MROH6: variants seen among roughly 807,000 people sequenced by gnomAD.
MROH6 encodes maestro heat like repeat family member 6.
In MROH6, 62 loss-of-function variants were observed where a neutral mutation model predicts 67.7. That is an observed-to-expected ratio of 0.92 (90% CI 0.75 to 1.13). MROH6 has a LOEUF of 1.13. Among genes scored for constraint, MROH6 ranks in the 50% most tolerant of loss-of-function variants. The pLI, the probability that MROH6 is intolerant of heterozygous loss-of-function variation, is 0.00. For missense variants in MROH6, 1,175 were observed against 1,029.1 expected (o/e 1.14, Z -1.94); for synonymous variants, 566 against 470.8 (o/e 1.20, Z -2.62).
rs1823898924 is a variant in MROH6 at position 143,569,846 on chromosome 8, C to G, written c.1159-6G>C. ...GTGGGCCGGCTCTGCAACAGCTAGG[C>G]GAGGCACATGGGGTCAGCACGCCCG... On this transcript the variant is annotated splice_polypyrimidine_tract_variant and splice_region_variant and intron_variant, in intron 7 of 13. Transcript: ENST00000398882. 1 of 1,610,376 alleles carries G rather than the reference C, an allele frequency of 6.2e-7. No homozygotes were observed. Among genetic ancestry groups the G allele is most frequent in the African/African-American group, 1.3e-5 (1 of 74,874 alleles).
At chr8:143,569,377 G>C in intron 9 of MROH6, 64 bp downstream of exon 9, 1 of 1,297,976 alleles carries the variant, frequency 7.7e-7, no homozygotes. Flanking sequence ...GGGAGGGAGA[G>C]ACTGGAAGGG....
Position 143,570,070 on chromosome 8 carries a change from G to T in MROH6, c.1044-5C>A. The T allele has an allele frequency of 6.2e-7, 1 of 1,608,298 alleles. No individual in the cohort carries two copies. ...TCGGCATGTGCCACCATAGCACTGG[G>T]GTGGGTGGAAATGGGAGCTCTCGCT... On this transcript the variant is annotated splice_region_variant and splice_polypyrimidine_tract_variant and intron_variant, in intron 6 of 13. Transcript: ENST00000398882.
chr8:143,569,950 C>T lies in MROH6; in HGVS notation c.1158+1G>A. 1.2e-6 allele frequency: 2 copies of T among 1,611,596 alleles called. No individual in the cohort carries two copies. Among genetic ancestry groups the T allele is most frequent in the South Asian group, 1.1e-5 (1 of 91,076 alleles). On this transcript the variant is annotated splice_donor_variant, in intron 7 of 13. Transcript: ENST00000398882. LOFTEE classifies it high-confidence loss of function. ...ACCACCCATCCGGGAAGCAGGCTCACCCCTGTGAAGAAGGCCATAGCCGTG... is the reference window on the plus strand; with the variant it reads ...ACCACCCATCCGGGAAGCAGGCTCATCCCTGTGAAGAAGGCCATAGCCGTG...
At chr8:143,567,985 C>T in intron 11 of MROH6, 97 bp from the exon 12 acceptor site, 1 of 1,438,946 alleles carries the variant, frequency 6.9e-7, no homozygotes. Flanking sequence ...CCAGGGGAGC[C>T]CCCAGGGCAG....
chr8:143,568,448 T>G, intron 10 of MROH6, 104 bp downstream of exon 10: 1 of 1,446,992 alleles, frequency 6.9e-7, no homozygotes, highest in Non-Finnish European at 9.1e-7. Flanking sequence ...ACTGAGGTCC[T>G]TGGGATGGGT....
rs758809081 is a variant in MROH6 at position 143,570,080 on chromosome 8, A to G, written c.1044-15T>C. 7.1e-5 allele frequency: 114 copies of G among 1,605,712 alleles called. No individual in the cohort carries two copies. The highest frequency in any genetic ancestry group is 9.5e-5 in the Non-Finnish European group (112 of 1,177,272). ...CCACCATAGCACTGGGGTGGGTGGA[A>G]ATGGGAGCTCTCGCTCCGTTTGGCG... On this transcript the variant is annotated splice_polypyrimidine_tract_variant and intron_variant, in intron 6 of 13. Coordinates refer to ENST00000398882, the MANE Select transcript of MROH6 (RefSeq NM_001100878.2).
In MROH6 at chr8:143,570,270, T is replaced by G. The variant is rs1482009448; in HGVS notation, c.1016A>C (p.His339Pro). The G allele has an allele frequency of 1.4e-5, 22 of 1,598,260 alleles. No homozygotes were observed. Among genetic ancestry groups the G allele is most frequent in the Non-Finnish European group, 1.9e-5 (22 of 1,174,752 alleles). The part of the protein sequence containing the change: ...GWRRLVGAHT[H>P]LEGVLLLASA... ...GGCCAGCAGCAGGACGCCCTCCAGG[T>G]GGGTGTGGGCTCCCACCAGCCTCCT... is the stretch of plus-strand genomic sequence containing the variant. The change falls in exon 6 of 14, where the codon CAC becomes CCC. Residue 339 changes from histidine (H) to proline (P), a missense_variant. Transcript: ENST00000398882.
In MROH6 at chr8:143,567,685, C is replaced by T. The variant is rs1421530670; in HGVS notation, c.1868-9G>A. 1 of 1,579,198 alleles carries T rather than the reference C, an allele frequency of 6.3e-7. No individual in the cohort carries two copies. The highest frequency in any genetic ancestry group is 8.6e-7 in the Non-Finnish European group (1 of 1,163,320). On this transcript the variant is annotated splice_polypyrimidine_tract_variant and intron_variant, in intron 12 of 13. Coordinates refer to ENST00000398882, the MANE Select transcript of MROH6 (RefSeq NM_001100878.2). ...GTGGTGGACAAGGAAGCCTGGACCA[C>T]AGCAGATGCATGAGTGCAGGCCCCA...
At chr8:143,569,900 G>C in intron 7 of MROH6, 51 bp downstream of exon 7, 1 of 1,610,688 alleles carries the variant, frequency 6.2e-7, no homozygotes. Flanking sequence ...CTGCGATTCA[G>C]GGATCAAGTC....
chr8:143,570,278 G>A lies in MROH6; in HGVS notation c.1008C>T (p.Ala336=), dbSNP rs887607098. 10 of 1,602,750 alleles carry A rather than the reference G, an allele frequency of 6.2e-6. No individual in the cohort carries two copies. The African/African-American group carries it at 9.4e-5, about 15-fold the overall frequency. ...GCAGGACGCCCTCCAGGTGGGTGTG[G>A]GCTCCCACCAGCCTCCTCCAGCCTC... ...QAGGWRRLVG[A]HTHLEGVLLL... The change falls in exon 6 of 14, where the codon GCC becomes GCT. Residue 336 remains alanine, a synonymous_variant. Transcript: ENST00000398882.
Position 143,568,173 on chromosome 8 carries a change from G to C in MROH6, c.1733C>G (p.Pro578Arg), listed in dbSNP as rs755319633. Residue 578 changes from proline to arginine, a missense_variant, in exon 11 of 14, where the codon CCC (proline) becomes CGC (arginine). By Grantham distance (103) the Pro-to-Arg change is moderately radical (BLOSUM62 -2). Transcript: ENST00000398882. Reference sequence around the variant, plus strand: ...GCAGCAGAGGTGGCTCAGGGCCTCGGGGCTGTCATAGTGGGCCACGGTGAC... The same window carrying C: ...GCAGCAGAGGTGGCTCAGGGCCTCGCGGCTGTCATAGTGGGCCACGGTGAC... ...ELVTVAHYDS[P>R]EALSHLCCRL... 2 of 1,610,252 alleles carry C rather than the reference G, an allele frequency of 1.2e-6. No homozygotes were observed. The highest frequency in any genetic ancestry group is 1.7e-5 in the Admixed American group (1 of 59,728).
At chr8:143,567,587 T>C (rs1040020498) in intron 13 of MROH6, 24 bp downstream of exon 13, 1 of 1,548,544 alleles carries the variant, frequency 6.5e-7, no homozygotes, top group Admixed American at 2.0e-5. Context: ...CAGGACACCA[T>C]CCCCTGGCAA....
chr8:143,572,462 G>A lies in MROH6; in HGVS notation c.253C>T (p.Leu85Phe), dbSNP rs756535344. ...VPEAGSEPCS[L>F]NSALEPAPEG... ...GGGGCTGGTTCCAGGGCACTGTTGAGGGAGCAGGGCTCGCTGCCAGCTTCA... is the reference window on the plus strand; with the variant it reads ...GGGGCTGGTTCCAGGGCACTGTTGAAGGAGCAGGGCTCGCTGCCAGCTTCA... The change falls in exon 1 of 14, where the codon CTC becomes TTC. Residue 85 changes from leucine (L) to phenylalanine (F), a missense_variant. Physicochemically the swap from Leu to Phe is conservative, Grantham distance 22. Coordinates refer to ENST00000398882, the MANE Select transcript of MROH6 (RefSeq NM_001100878.2). 12 of 1,599,408 alleles carry A rather than the reference G, an allele frequency of 7.5e-6. No homozygotes were observed. Among genetic ancestry groups the A allele is most frequent in the Middle Eastern group, 3.3e-4 (2 of 6,034 alleles).
chr8:143,572,056 G>A lies in MROH6; in HGVS notation c.424C>T (p.Arg142Trp), dbSNP rs201330002. The A allele has an allele frequency of 2.0e-4, 315 of 1,612,094 alleles. No homozygotes were observed. The African/African-American group carries it at 2.7e-3, about 14-fold the overall frequency. ...ACCTGGTCCTCCAACCGCTCGCCCC[G>A]GGCCTCCAGGGCTGAGGACAGGGTG... ...VLTLSSALEARGERLEDQVHA... is the reference protein window; with the variant it reads ...VLTLSSALEAWGERLEDQVHA... Residue 142 changes from arginine to tryptophan, a missense_variant, in exon 2 of 14, where the codon CGG (arginine) becomes TGG (tryptophan). Arg to Trp is a moderately radical substitution (Grantham distance 101, BLOSUM62 -3). Transcript: ENST00000398882.
rs183543134 is a variant in MROH6 at position 143,570,546 on chromosome 8, G to A, written c.832C>T (p.Arg278Cys). The change falls in exon 5 of 14, where the codon CGC becomes TGC. Residue 278 changes from arginine to cysteine, a missense_variant. Arg to Cys is a radical substitution (Grantham distance 180, BLOSUM62 -3). Coordinates refer to ENST00000398882, the MANE Select transcript of MROH6 (RefSeq NM_001100878.2). ...GGCATGTCGGGGGAGCACGGGCTGC[G>A]GGCCAGCTTGTGCAGCTGTGTGACC... ...ALVTQLHKLA[R>C]SPCSPDMPKI... is the part of the protein sequence containing the mutation. 4.6e-5 allele frequency: 74 copies of A among 1,610,760 alleles called. No individual in the cohort carries two copies. Among genetic ancestry groups the A allele is most frequent in the African/African-American group, 1.3e-4 (10 of 75,062 alleles).
At chr8:143,570,198 C>G (rs368111962) in intron 6 of MROH6, 45 bp downstream of exon 6, 4 of 1,559,536 alleles carry the variant, frequency 2.6e-6, no homozygotes, top group African/African-American at 2.7e-5. Context: ...AGCAACGACT[C>G]TCTTCCTGGT....
At chr8:143,568,504 G>A in intron 10 of MROH6, 48 bp downstream of exon 10, 1 of 1,478,216 alleles carries the variant, frequency 6.8e-7, no homozygotes, top group Non-Finnish European at 9.0e-7. Context: ...GGTGGGAGTG[G>A]TGAGTGTTGG....
Position 143,572,523 on chromosome 8 carries a change from G to T in MROH6, c.192C>A (p.Pro64=), listed in dbSNP as rs4873804. ...CCCCACGTCCAGGCTCTGCCTCAGA[G>T]GGGGCGGTGAGTGCCTGGGTCTGTG... ...AEPQTQALTA[P]SEAEPGRGAT... is the part of the protein sequence containing the mutation. The change falls in exon 1 of 14, where the codon CCC becomes CCA. Residue 64 remains proline, a synonymous_variant. Coordinates refer to ENST00000398882, the MANE Select transcript of MROH6 (RefSeq NM_001100878.2). The T allele has an allele frequency of 5.2e-5, 84 of 1,604,284 alleles. No individual in the cohort carries two copies. Among genetic ancestry groups the T allele is most frequent in the South Asian group, 3.4e-4 (31 of 90,022 alleles).
chr8:143,569,506 G>C lies in MROH6; in HGVS notation c.1411C>G (p.Pro471Ala), dbSNP rs1380370070. 1 of 1,488,838 alleles carries C rather than the reference G, an allele frequency of 6.7e-7. No individual in the cohort carries two copies. The highest frequency in any genetic ancestry group is 2.7e-5 in the East Asian group (1 of 36,638). The allele number at this position is 1,488,838 out of a possible 1,614,324, so 92.2% of individuals were successfully genotyped here. ...LGALRRLLLR[P>A]RAPVRLLSAE... Reference sequence around the variant, plus strand: ...CTCAGGAGCCGCACAGGCGCCCGGGGCCGCAGCAGGAGCCTCCTCAGGGCG... The same window carrying C: ...CTCAGGAGCCGCACAGGCGCCCGGGCCCGCAGCAGGAGCCTCCTCAGGGCG... Residue 471 changes from proline to alanine, a missense_variant, in exon 9 of 14, where the codon CCC (proline) becomes GCC (alanine). Transcript: ENST00000398882.
Sources: allele counts gnomAD v4.1 joint callset, GRCh38; gene constraint gnomAD v4.1.1; transcripts MANE v1.5; gene names NCBI Gene and HGNC (gene_info 2026-07-23, HGNC 2026-07-21).